The following RABGEF1 variants were observed in gnomAD, a reference collection of about 807,000 sequenced individuals.
RABGEF1 encodes the protein RAB guanine nucleotide exchange factor 1.
A neutral mutation model predicts 57.3 loss-of-function variants in RABGEF1; 26 were observed. That is an observed-to-expected ratio of 0.45 (90% CI 0.33 to 0.63). The LOEUF (loss-of-function observed/expected upper bound fraction) is 0.63, where lower values mean the gene tolerates loss of function less well. Among genes scored for constraint, RABGEF1 ranks in the 20% least tolerant of loss-of-function variants. The pLI is 0.02. For synonymous variants in RABGEF1, 185 were observed against 210.7 expected (o/e 0.88, Z 1.06); for missense variants, 464 against 607.6 (o/e 0.76, Z 2.48).
At position 66,775,283 on chromosome 7, in the gene RABGEF1, A is replaced by T; in HGVS notation, c.236A>T (p.Gln79Leu). Residue 79 changes from glutamine to leucine, a missense_variant, in exon 3 of 9, where the codon CAA becomes CTA. Physicochemically the swap from Gln to Leu is moderately radical, Grantham distance 113. Transcript: ENST00000284957. ...AGCAGTCAGAGCAGCCAAGGGGCCC[A>T]ATCCCTCACATTCTCCAAGTTTGAA... ...FASSQSSQGAQSLTFSKFEEK... is the reference protein window; with the variant it reads ...FASSQSSQGALSLTFSKFEEK... 6.2e-7 allele frequency: 1 copy of T among 1,613,984 alleles called. No homozygotes were observed. The highest frequency in any genetic ancestry group is 8.5e-7 in the Non-Finnish European group (1 of 1,179,846).
At chr7:66,656,694 C>G in the RABGEF1 span, among the ~76,000 whole-genome samples, 1 of 151,922 alleles carries the variant, frequency 6.6e-6, no homozygotes. Context: ...ATGGCACCTG[C>G]TTGTAATCCC....
At chr7:66,695,898 G>A (rs550822088) in intron 1 of RABGEF1, among the ~76,000 whole-genome samples, 17 of 151,860 alleles carry the variant, frequency 1.1e-4, no homozygotes, top group Non-Finnish European at 2.4e-4. Flanking sequence ...TCTGGGAGTC[G>A]GAGGTTGCAG....
chr7:66,657,860 A>C, the RABGEF1 span, among the ~76,000 whole-genome samples: 13 of 152,198 alleles, frequency 8.5e-5, no homozygotes, highest in African/African-American at 2.9e-4. Flanking sequence ...AGTAAGAAAG[A>C]TCTCAAATTA....
At chr7:66,717,332 A>G (rs1472006752) in intron 2 of RABGEF1, among the ~76,000 whole-genome samples, 1 of 152,154 alleles carries the variant, frequency 6.6e-6, no homozygotes, top group Non-Finnish European at 1.5e-5. Flanking sequence ...TGTCCTTACT[A>G]TGTTGTAGTT....
rs1425036740 is a variant in RABGEF1, at chr7:66,805,270, C to T, written c.951C>T (p.Pro317=). 1.2e-6 allele frequency: 2 copies of T among 1,614,104 alleles called. No homozygotes were observed. Among genetic ancestry groups the T allele is most frequent in the African/African-American group, 1.3e-5 (1 of 74,932 alleles). ...CGGCGTCAGCGGATGACTTCCTCCC[C>T]ACCCTCATCTACATTGTTTTGAAGG... is the stretch of plus-strand genomic sequence containing the variant. ...NEPASADDFL[P]TLIYIVLKGN... The change falls in exon 8 of 9, where the codon CCC becomes CCT. Residue 317 remains proline (P), a synonymous_variant. Transcript: ENST00000284957.
At chr7:66,704,062 G>A in intron 1 of RABGEF1, among the ~76,000 whole-genome samples, 1 of 152,170 alleles carries the variant, frequency 6.6e-6, no homozygotes, top group East Asian at 1.9e-4. Context: ...ATTGCACATA[G>A]AATGGCTTTC....
At chr7:66,783,376 T>C (rs572251452) in intron 3 of RABGEF1, among the ~76,000 whole-genome samples, 1 of 152,336 alleles carries the variant, frequency 6.6e-6, no homozygotes, top group Non-Finnish European at 1.5e-5. Flanking sequence ...GTGTTCATGA[T>C]TGAATATATA....
intron 2 of RABGEF1, among the ~76,000 whole-genome samples, 160 bp from the exon 3 acceptor site, chr7:66,775,067 C>T (rs1808201888): frequency 6.6e-6 from 1 of 152,150 alleles, no homozygotes; most frequent in Non-Finnish European, 1.5e-5. Context: ...CATGAAGAGC[C>T]GTCCATCCTG....
chr7:66,722,057 C>G (rs1020300435), intron 2 of RABGEF1, among the ~76,000 whole-genome samples: 2 of 152,128 alleles, frequency 1.3e-5, no homozygotes, highest in African/African-American at 2.4e-5. Flanking sequence ...GATGTCCCAG[C>G]TAGGCAGGAA....
At chr7:66,677,117 A>T in the RABGEF1 span, among the ~76,000 whole-genome samples, 1 of 152,136 alleles carries the variant, frequency 6.6e-6, no homozygotes, top group Admixed American at 6.6e-5. Context: ...ATAGGTAAGG[A>T]TCTAACTTCA....
At chr7:66,764,456 A>G (rs1169920231) in intron 1 of RABGEF1, among the ~76,000 whole-genome samples, 1 of 152,204 alleles carries the variant, frequency 6.6e-6, no homozygotes, top group Non-Finnish European at 1.5e-5. Flanking sequence ...AAACATTAAA[A>G]TTTTGTTGGA....
Position 66,752,071 on chromosome 7 carries a change from G to A in RABGEF1, c.-18+11279G>A, listed in dbSNP as rs548931803. ...ACCCGCAAAAAACTAGCCAGGTGTT[G>A]TGGCTTGAACTCAGCTACTCAGGAG... is the stretch of plus-strand genomic sequence containing the variant. On this transcript the variant is annotated intron_variant, in intron 1 of 8. Transcript: ENST00000284957. 2.6e-5 allele frequency among the ~76,000 whole-genome samples: 4 copies of A among 152,236 alleles called. No homozygotes were observed. The South Asian group carries it at 6.2e-4, about 24-fold the overall frequency.
intron 2 of RABGEF1, among the ~76,000 whole-genome samples, chr7:66,723,800 G>A (rs529649444): frequency 3.0e-5 from 4 of 131,358 alleles, no homozygotes; most frequent in South Asian, 3.2e-4. Flanking sequence ...GGCTGGTCTC[G>A]AACTCCTGAC....
chr7:66,705,876 ATTTTTTTTTTTTTTTTTTTTTTTTT>A (rs201838145), intron 1 of RABGEF1, among the ~76,000 whole-genome samples: 2 of 45,150 alleles, frequency 4.4e-5, no homozygotes, highest in Admixed American at 6.7e-4. Context: ...CACCCAGCTA[ATTTTTTTTTTTTTTTTTTTTTTTTT>A]TTTTTTTTTT....
At chr7:66,686,988 AT>A (rs1354391777) in intron 1 of RABGEF1, among the ~76,000 whole-genome samples, 1 of 148,564 alleles carries the variant, frequency 6.7e-6, no homozygotes, top group Admixed American at 6.7e-5. Flanking sequence ...CGCCTGGCAA[AT>A]TTTTTATATT....
intron 2 of RABGEF1, among the ~76,000 whole-genome samples, chr7:66,728,928 C>A (rs1253020565): frequency 1.3e-5 from 2 of 151,136 alleles, no homozygotes; most frequent in East Asian, 3.9e-4. Context: ...TCACCTCCAT[C>A]CAAATCTCCA....
chr7:66,729,012 G>A (rs186721135), intron 2 of RABGEF1, among the ~76,000 whole-genome samples: 3 of 149,308 alleles, frequency 2.0e-5, no homozygotes, highest in East Asian at 2.0e-4. Context: ...GTGCAGTGGC[G>A]CGATCTCGAC....
intron 1 of RABGEF1, among the ~76,000 whole-genome samples, chr7:66,753,454 G>T (rs1407226640): frequency 1.3e-5 from 2 of 152,120 alleles, no homozygotes; most frequent in Non-Finnish European, 2.9e-5. Context: ...AATATTACAG[G>T]CATACTTTGG....
chr7:66,670,349 G>A, the RABGEF1 span, among the ~76,000 whole-genome samples: 2 of 150,864 alleles, frequency 1.3e-5, no homozygotes, highest in Non-Finnish European at 2.9e-5. Context: ...GTCTCATGCT[G>A]TCACCCAGGC....
Sources: allele counts gnomAD v4.1 joint callset (sites outside exome capture counted in the v4.1 genomes callset), GRCh38; gene constraint gnomAD v4.1.1; transcripts MANE v1.5; gene names NCBI Gene and HGNC (gene_info 2026-07-23, HGNC 2026-07-21).